CLCN3: variants seen among roughly 807,000 people sequenced by gnomAD.
CLCN3 encodes the protein Cl-/H+ antiporter 3, also known as H(+)/Cl(-) exchange transporter 3.
Under a neutral mutation model 83.4 loss-of-function variants are expected in CLCN3, and 16 were observed. That is an observed-to-expected ratio of 0.19 (90% confidence interval 0.13 to 0.29). CLCN3 has a LOEUF of 0.29. Ranked by LOEUF, CLCN3 falls within the 10% of genes least tolerant of loss-of-function variation. The pLI is 1.00. For missense variants in CLCN3, 544 were observed against 1,006.0 expected, an observed-to-expected ratio of 0.54 and a Z score of 6.21; for synonymous variants, 322 against 346.2, an observed-to-expected ratio of 0.93 and a Z score of 0.78.
chr4:169,655,810 G>A (rs1174344803), intron 2 of CLCN3, among the ~76,000 whole-genome samples: 1 of 152,160 alleles, frequency 6.6e-6, no homozygotes, highest in Non-Finnish European at 1.5e-5. Flanking sequence ...TGGGCCAATT[G>A]TGTGATGTCT....
intron 2 of CLCN3, among the ~76,000 whole-genome samples, chr4:169,660,752 G>T (rs554814386): frequency 1.3e-5 from 2 of 152,292 alleles, no homozygotes; most frequent in South Asian, 4.1e-4. Flanking sequence ...AACTAAAGTC[G>T]TGTTGGTTGG....
intron 12 of CLCN3, among the ~76,000 whole-genome samples, chr4:169,715,552 T>C (rs1026066378): frequency 2.6e-5 from 4 of 152,138 alleles, no homozygotes; most frequent in African/African-American, 7.2e-5. Context: ...CTTCTGGTTT[T>C]TAAAGGAGAC....
chr4:169,675,189 C>T (rs190881022), intron 2 of CLCN3, among the ~76,000 whole-genome samples: 341 of 152,264 alleles, frequency 2.2e-3, no homozygotes, highest in Non-Finnish European at 4.3e-3. Flanking sequence ...ATCAAAAAAC[C>T]TACTCTATAG....
intron 11 of CLCN3, among the ~76,000 whole-genome samples, chr4:169,712,011 TGCTTG>T (rs1379108797): frequency 6.7e-6 from 1 of 148,222 alleles, no homozygotes; most frequent in African/African-American, 2.5e-5. Context: ...ACCACCAGCA[TGCTTG>T]GCCGATTTTT....
At chr4:169,664,643 A>G (rs531126866) in intron 2 of CLCN3, among the ~76,000 whole-genome samples, 1 of 152,360 alleles carries the variant, frequency 6.6e-6, no homozygotes, top group Non-Finnish European at 1.5e-5. Context: ...CTACAACAGT[A>G]GTATAAAACA....
intron 9 of CLCN3, among the ~76,000 whole-genome samples, chr4:169,701,172 C>A (rs1471103502): frequency 1.3e-5 from 2 of 152,190 alleles, no homozygotes; most frequent in East Asian, 1.9e-4. Flanking sequence ...AATCTTTTGT[C>A]CTTTTAACAA....
chr4:169,656,918 A>G (rs958329360), intron 2 of CLCN3, among the ~76,000 whole-genome samples: 8 of 152,164 alleles, frequency 5.3e-5, no homozygotes, highest in African/African-American at 1.7e-4. Flanking sequence ...TACAGCCTGG[A>G]CGTTGGAGTG....
At chr4:169,664,071 C>A (rs772347446) in intron 2 of CLCN3, among the ~76,000 whole-genome samples, 1 of 152,084 alleles carries the variant, frequency 6.6e-6, no homozygotes, top group Non-Finnish European at 1.5e-5. Context: ...TGAGTAAATG[C>A]GATAACAGGA....
chr4:169,648,012 A>G (rs552980021), intron 2 of CLCN3, among the ~76,000 whole-genome samples: 1 of 152,332 alleles, frequency 6.6e-6, no homozygotes, highest in South Asian at 2.1e-4. Flanking sequence ...AAGAAAAGCA[A>G]CTGATGAGCT....
At position 169,702,367 on chromosome 4, in the gene CLCN3, C is replaced by G. The variant is rs1045570554; in HGVS notation, c.1564-1631C>G. On this transcript the variant is annotated intron_variant, in intron 9 of 12. Transcript: ENST00000513761. ...AAGTCAAAATTAGTCTTTAAAACAA[C>G]ATGAATCTCCTTGTACATCTCCATC... Among the ~76,000 whole-genome samples the G allele has an allele frequency of 2.6e-5, 4 of 152,282 alleles. No homozygotes were observed. In the South Asian group the frequency reaches 6.2e-4, roughly 24 times the overall value.
intron 10 of CLCN3, among the ~76,000 whole-genome samples, chr4:169,705,298 A>G (rs1008424795): frequency 1.3e-5 from 2 of 152,202 alleles, no homozygotes; most frequent in African/African-American, 2.4e-5. Flanking sequence ...TCTAGAGAGT[A>G]TATTTTGGGT....
chr4:169,650,844 A>G (rs549706784), intron 2 of CLCN3, among the ~76,000 whole-genome samples: 95 of 152,294 alleles, frequency 6.2e-4, no homozygotes, highest in Middle Eastern at 3.4e-3. Context: ...TAGTTAACCT[A>G]TTATACTTAT....
At chr4:169,644,312 C>A (rs966257635) in intron 2 of CLCN3, among the ~76,000 whole-genome samples, 1 of 149,636 alleles carries the variant, frequency 6.7e-6, no homozygotes, top group Non-Finnish European at 1.5e-5. Flanking sequence ...GTTGCCCAGG[C>A]CGGAGCACGA....
rs138162799 is a variant in CLCN3 at position 169,710,595 on chromosome 4, T to G, written c.2150-2484T>G. On this transcript the variant is annotated intron_variant, in intron 11 of 12. Coordinates refer to ENST00000513761, the MANE Select transcript of CLCN3 (RefSeq NM_001829.4). Reference sequence around the variant, plus strand: ...GTGTTATTTTTTTAAATGACAAATTTAAGTCAAAGAGATTGAATGTTCACT... The same window carrying G: ...GTGTTATTTTTTTAAATGACAAATTGAAGTCAAAGAGATTGAATGTTCACT... Among the ~76,000 whole-genome samples, 4 of 152,350 alleles carry G rather than the reference T, an allele frequency of 2.6e-5. No individual in the cohort carries two copies. The East Asian group carries it at 7.7e-4, about 29-fold the overall frequency.
intron 1 of CLCN3, among the ~76,000 whole-genome samples, chr4:169,631,931 A>G (rs1773381825): frequency 2.0e-5 from 3 of 152,150 alleles, no homozygotes; most frequent in Non-Finnish European, 4.4e-5. Context: ...GTAATAAAAA[A>G]TCTACCAACC....
chr4:169,696,668 C>T (rs150271232), intron 8 of CLCN3, among the ~76,000 whole-genome samples: 11 of 152,180 alleles, frequency 7.2e-5, no homozygotes, highest in East Asian at 1.9e-4. Flanking sequence ...AGTTCATACC[C>T]GTTGACTAAT....
rs573754599 is a variant in CLCN3 at position 169,635,901 on chromosome 4, T to TC, written c.-16-5dup. On this transcript the variant is annotated splice_polypyrimidine_tract_variant and intron_variant, in intron 1 of 12. Coordinates refer to ENST00000513761, the MANE Select transcript of CLCN3 (RefSeq NM_001829.4). ...TTTGAAAAATGTTAAAACTACTTTT[T>TC]CCCCCCCACAGATAATCAGACAGCT... 1.6e-5 allele frequency: 24 copies of TC among 1,506,526 alleles called. No individual in the cohort carries two copies. The East Asian group carries it at 1.7e-4, about 10-fold the overall frequency. The allele number at this position is 1,506,526 out of a possible 1,614,324, so 93.3% of individuals were successfully genotyped here. A position where few individuals can be genotyped will look rare whatever the true frequency, so the allele number is the denominator to read the frequency against.
chr4:169,712,464 C>T (rs1222039405), intron 11 of CLCN3, among the ~76,000 whole-genome samples: 1 of 152,068 alleles, frequency 6.6e-6, no homozygotes, highest in Non-Finnish European at 1.5e-5. Context: ...TTAACAAAGC[C>T]TTTATGAATA....
intron 2 of CLCN3, among the ~76,000 whole-genome samples, chr4:169,644,063 C>T (rs909686001): frequency 2.0e-5 from 3 of 152,076 alleles, no homozygotes; most frequent in Admixed American, 6.6e-5. Flanking sequence ...TTCCTCAGGA[C>T]GGAACATTGT....
Sources: gnomAD v4.1 joint callset for allele counts (sites outside exome capture counted in the v4.1 genomes callset) on GRCh38, gnomAD v4.1.1 for gene constraint, MANE v1.5 for transcripts, NCBI Gene and HGNC (gene_info 2026-07-23, HGNC 2026-07-21) for gene names.